Variants in FSTL5 observed in about 807,000 individuals in gnomAD.
FSTL5 encodes the protein follistatin like 5, also known as follistatin-related protein 5.
In FSTL5, 62 loss-of-function variants were observed where a neutral mutation model predicts 89.1. That is an observed-to-expected ratio of 0.70 (90% CI 0.57 to 0.86). The LOEUF is 0.86. FSTL5 is among the 40% of genes least tolerant of loss of function. The probability of loss-of-function intolerance (pLI) is 0.00; values close to 1 mark genes in which losing one functional copy is unlikely to be tolerated. For synonymous variants in FSTL5, 383 were observed against 346.2 expected (o/e 1.11, Z -1.18); for missense variants, 1,057 against 1,001.6 (o/e 1.06, Z -0.75).
chr4:161,848,781 G>A (rs1259037587), intron 4 of FSTL5, among the ~76,000 whole-genome samples: 6 of 152,058 alleles, frequency 3.9e-5, no homozygotes, highest in Non-Finnish European at 7.4e-5. Context: ...CATGAAAGAG[G>A]GAAAAGAGTC....
chr4:161,742,222 A>G (rs572226242), intron 6 of FSTL5, among the ~76,000 whole-genome samples: 1 of 152,322 alleles, frequency 6.6e-6, no homozygotes, highest in African/African-American at 2.4e-5. Context: ...GGAGTGAAGG[A>G]CCATTAAAAT....
At chr4:161,532,135 G>T (rs576848532) in intron 10 of FSTL5, among the ~76,000 whole-genome samples, 6 of 151,522 alleles carry the variant, frequency 4.0e-5, no homozygotes, top group Non-Finnish European at 8.8e-5. Context: ...AACCCGGGAG[G>T]CAGAGCTTAC....
Position 161,481,125 on chromosome 4 carries a change from A to G in FSTL5, c.1503T>C (p.Cys501=). The G allele has an allele frequency of 6.2e-7, 1 of 1,612,176 alleles. No individual in the cohort carries two copies. The highest frequency in any genetic ancestry group is 1.1e-5 in the South Asian group (1 of 90,762). ...PKAEGDEVQR[C]VWASAVNVKD... is the part of the protein sequence containing the mutation. ...TGACATTAACAGCTGATGCCCACAC[A>G]CACCTCTGAACTTCATCTCCCTCAG... The change falls in exon 13 of 16, where the codon TGT becomes TGC. Residue 501 remains cysteine, a synonymous_variant. Transcript: ENST00000306100.
chr4:161,587,295 T>C (rs573441826), intron 8 of FSTL5, among the ~76,000 whole-genome samples, 160 bp downstream of exon 8: 2 of 151,666 alleles, frequency 1.3e-5, no homozygotes, highest in South Asian at 4.2e-4. Flanking sequence ...GGAAATTTTG[T>C]GTTTTTTTTT....
chr4:161,907,038 G>C (rs751090932), intron 4 of FSTL5, among the ~76,000 whole-genome samples: 3 of 152,008 alleles, frequency 2.0e-5, no homozygotes, highest in African/African-American at 7.2e-5. Flanking sequence ...CCAATGTGTC[G>C]TGTAAATGTT....
chr4:161,546,692 T>G (rs1732019931), intron 8 of FSTL5, among the ~76,000 whole-genome samples: 1 of 151,972 alleles, frequency 6.6e-6, no homozygotes, highest in Non-Finnish European at 1.5e-5. Flanking sequence ...CTAAAAAGTC[T>G]TATAACATTT....
chr4:161,888,823 A>G (rs553471464), intron 4 of FSTL5, among the ~76,000 whole-genome samples: 1 of 152,214 alleles, frequency 6.6e-6, no homozygotes, highest in East Asian at 1.9e-4. Context: ...TATTAAATTT[A>G]AAATAAATAT....
intron 13 of FSTL5, among the ~76,000 whole-genome samples, chr4:161,460,159 T>C (rs1028672295): frequency 6.6e-6 from 1 of 152,064 alleles, no homozygotes; most frequent in Non-Finnish European, 1.5e-5. Context: ...GTAAACTTTA[T>C]CCAACAGTGA....
chr4:161,764,580 A>G (rs1740924554), intron 5 of FSTL5, among the ~76,000 whole-genome samples: 1 of 152,140 alleles, frequency 6.6e-6, no homozygotes, highest in African/African-American at 2.4e-5. Context: ...TTTTAAAAAG[A>G]TTGAATGGAA....
rs1325456977 is a variant in FSTL5 at position 161,384,744 on chromosome 4, A to G, written c.*1003T>C. Reference sequence around the variant, plus strand: ...AATTCTTCTAAGCCACTAATACCTCATCAATTCTCTTGCCAGTTTTCTTTT... The same window carrying G: ...AATTCTTCTAAGCCACTAATACCTCGTCAATTCTCTTGCCAGTTTTCTTTT... On this transcript the variant is annotated 3_prime_UTR_variant, in exon 16 of 16. Transcript: ENST00000306100. The G allele has an allele frequency of 6.6e-6, 1 of 152,170 alleles. No homozygotes were observed. The highest frequency in any genetic ancestry group is 1.5e-5 in the Non-Finnish European group (1 of 68,012). The allele number at this position is 152,170 out of a possible 1,614,324, so 9.4% of individuals were successfully genotyped here.
chr4:161,654,605 C>G (rs564971976), intron 7 of FSTL5, among the ~76,000 whole-genome samples: 7 of 152,018 alleles, frequency 4.6e-5, no homozygotes, highest in Admixed American at 6.6e-5. Context: ...TGAAGAAGCT[C>G]TATGTTTTTG....
chr4:161,981,025 GCTGGGATTACAGGC>G (rs1349894322), intron 3 of FSTL5, among the ~76,000 whole-genome samples: 1 of 152,028 alleles, frequency 6.6e-6, no homozygotes, highest in East Asian at 1.9e-4. Flanking sequence ...CTCCTAAAGT[GCTGGGATTACAGGC>G]CTGAGCCACT....
At chr4:161,664,540 C>G (rs568537255) in intron 6 of FSTL5, among the ~76,000 whole-genome samples, 1 of 152,128 alleles carries the variant, frequency 6.6e-6, no homozygotes, top group Non-Finnish European at 1.5e-5. Flanking sequence ...TCAGCCTGGA[C>G]GTTATTGTTC....
chr4:161,750,203 A>G (rs1409494731), intron 6 of FSTL5, among the ~76,000 whole-genome samples: 2 of 152,230 alleles, frequency 1.3e-5, no homozygotes, highest in African/African-American at 4.8e-5. Context: ...ACTTAAATTC[A>G]TATTTAAAAT....
rs565291198 is a variant in FSTL5, at chr4:162,156,930, A to G, written c.-17+6685T>C. Among the ~76,000 whole-genome samples the G allele has an allele frequency of 1.9e-4, 29 of 152,306 alleles. 1 individual carries two copies. Among genetic ancestry groups the G allele is most frequent in the African/African-American group, 6.5e-4 (27 of 41,578 alleles). ...AAAATAATTTAACTTTTTTTAAAAAAAGATGGTTTCCCTATATCTACATTA... is the reference window on the plus strand; with the variant it reads ...AAAATAATTTAACTTTTTTTAAAAAGAGATGGTTTCCCTATATCTACATTA... On this transcript the variant is annotated intron_variant, in intron 1 of 15. Transcript: ENST00000306100.
At chr4:162,018,609 A>G (rs1463220617) in intron 3 of FSTL5, among the ~76,000 whole-genome samples, 1 of 151,564 alleles carries the variant, frequency 6.6e-6, no homozygotes, top group Non-Finnish European at 1.5e-5. Context: ...CTCTGCCTAC[A>G]TAATATTTGT....
At chr4:161,684,135 A>T (rs796471279) in intron 6 of FSTL5, among the ~76,000 whole-genome samples, 1 of 152,086 alleles carries the variant, frequency 6.6e-6, no homozygotes, top group Non-Finnish European at 1.5e-5. Context: ...GGTATACAGT[A>T]GTATTCCATG....
At chr4:161,563,525 C>G (rs1379731821) in intron 8 of FSTL5, among the ~76,000 whole-genome samples, 2 of 151,898 alleles carry the variant, frequency 1.3e-5, no homozygotes, top group Non-Finnish European at 2.9e-5. Context: ...TGTCAGCCTC[C>G]ATTTTTGTGC....
chr4:161,730,377 T>G (rs1435162807), intron 6 of FSTL5, among the ~76,000 whole-genome samples: 2 of 152,154 alleles, frequency 1.3e-5, no homozygotes, highest in Non-Finnish European at 2.9e-5. Flanking sequence ...ATAGGAAGTA[T>G]TCTTATTTAA....
Sources: allele counts gnomAD v4.1 joint callset (sites outside exome capture counted in the v4.1 genomes callset), GRCh38; gene constraint gnomAD v4.1.1; transcripts MANE v1.5; gene names NCBI Gene and HGNC (gene_info 2026-07-23, HGNC 2026-07-21).